ZNF66: variants seen among roughly 807,000 people sequenced by gnomAD.
ZNF66 encodes the protein zinc finger protein 66.
Under a neutral mutation model 35.2 loss-of-function variants are expected in ZNF66, and 32 were observed. That is an observed-to-expected ratio of 0.91 (90% confidence interval 0.69 to 1.22). ZNF66 has a LOEUF of 1.22. Among genes scored for constraint, ZNF66 ranks in the 50% most tolerant of loss-of-function variants. The pLI, the probability that ZNF66 is intolerant of heterozygous loss-of-function variation, is 0.00. For missense variants in ZNF66, 666 were observed against 543.1 expected (o/e 1.23, Z -2.25); for synonymous variants, 231 against 181.3 (o/e 1.27, Z -2.20).
At chr19:20,788,722 T>C (rs991380646) in intron 1 of ZNF66, among the ~76,000 whole-genome samples, 5 of 152,126 alleles carry the variant, frequency 3.3e-5, no homozygotes, top group Middle Eastern at 3.2e-3. Context: ...CTATTTCTTT[T>C]ACCTTGCTAA....
rs778913676 is a variant in ZNF66 at position 20,807,277 on chromosome 19, T to C, written c.1677T>C (p.His559=). 11 of 676,492 alleles carry C rather than the reference T, an allele frequency of 1.6e-5. No individual in the cohort carries two copies. Among genetic ancestry groups the C allele is most frequent in the Non-Finnish European group, 2.7e-5 (10 of 376,374 alleles). The allele number at this position is 676,492 out of a possible 1,614,324, so 41.9% of individuals were successfully genotyped here. A position where few individuals can be genotyped will look rare whatever the true frequency, so the allele number is the denominator to read the frequency against. ...ACCTTAGTAGACATGAGATAATTCA[T>C]ATGGGAGGGAATCCCTACAAATGTG... ...SSNLSRHEII[H]MGGNPYKCEN... is the part of the protein sequence containing the mutation. The change falls in exon 4 of 4, where the codon CAT becomes CAC. Residue 559 remains histidine (H), a synonymous_variant. Coordinates refer to ENST00000344519, the MANE Select transcript of ZNF66 (RefSeq NM_001355197.2).
intron 1 of ZNF66, 23 bp from the exon 2 acceptor site, chr19:20,792,489 A>ATG (rs1235911900): frequency 1.3e-6 from 2 of 1,485,824 alleles, no homozygotes; most frequent in Non-Finnish European, 1.8e-6. Context: ...CTTGGTGAAA[A>ATG]TGTGTGTGTG....
rs1365234837 is a variant in ZNF66, at chr19:20,807,789, G to C, written c.*467G>C. Among the ~76,000 whole-genome samples, 1 of 152,128 alleles carries C rather than the reference G, an allele frequency of 6.6e-6. No homozygotes were observed. Among genetic ancestry groups the C allele is most frequent in the African/African-American group, 2.4e-5 (1 of 41,444 alleles). ...TACAGCTCCCAGCCTGAGCGACGCA[G>C]AAGATGGGTGATTTCTGCATTTCCG... On this transcript the variant is annotated 3_prime_UTR_variant, in exon 4 of 4. Coordinates refer to ENST00000344519, the MANE Select transcript of ZNF66 (RefSeq NM_001355197.2).
chr19:20,793,332 C>CTTTTCT (rs1555782697), intron 2 of ZNF66, among the ~76,000 whole-genome samples: 3 of 84,610 alleles, frequency 3.5e-5, no homozygotes, highest in African/African-American at 9.3e-5. Flanking sequence ...CTTTTCTTTT[C>CTTTTCT]TTTTTTTTTT....
chr19:20,777,997 T>A (rs984460977), intron 1 of ZNF66, among the ~76,000 whole-genome samples: 1 of 152,234 alleles, frequency 6.6e-6, no homozygotes, highest in African/African-American at 2.4e-5. Context: ...TTTTTCTATA[T>A]CCTTTTATTT....
intron 3 of ZNF66, among the ~76,000 whole-genome samples, chr19:20,802,182 G>A (rs1971454142): frequency 6.6e-6 from 1 of 152,048 alleles, no homozygotes; most frequent in African/African-American, 2.4e-5. Flanking sequence ...TTCCATTTTG[G>A]TAGATTGTTG....
At chr19:20,805,560 A>C (rs1971493531) in intron 3 of ZNF66, among the ~76,000 whole-genome samples, 1 of 149,942 alleles carries the variant, frequency 6.7e-6, no homozygotes, top group Admixed American at 6.6e-5. Flanking sequence ...TATAAGTAAC[A>C]GACTTTTTTT....
At position 20,809,530 on chromosome 19, in the gene ZNF66, AT is replaced by A. The variant is rs1322915863; in HGVS notation, c.*2210del. On this transcript the variant is annotated 3_prime_UTR_variant, in exon 4 of 4. Transcript: ENST00000344519. Reference sequence around the variant, plus strand: ...AAGAGAGTGGGGGCCAATATTCAACATTCTTAAAGAAAAGAATTTTCAACCC... The same window carrying A: ...AAGAGAGTGGGGGCCAATATTCAACATCTTAAAGAAAAGAATTTTCAACCC... Among the ~76,000 whole-genome samples the A allele has an allele frequency of 6.6e-6, 1 of 152,146 alleles. No individual in the cohort carries two copies. Among genetic ancestry groups the A allele is most frequent in the Non-Finnish European group, 1.5e-5 (1 of 68,038 alleles).
At chr19:20,802,486 T>G (rs1971456998) in intron 3 of ZNF66, among the ~76,000 whole-genome samples, 1 of 149,600 alleles carries the variant, frequency 6.7e-6, no homozygotes, top group Non-Finnish European at 1.5e-5. Context: ...TCCATATATT[T>G]GTAAATTTAT....
At chr19:20,786,878 C>T (rs995059184) in intron 1 of ZNF66, among the ~76,000 whole-genome samples, 5 of 152,192 alleles carry the variant, frequency 3.3e-5, no homozygotes, top group Non-Finnish European at 2.9e-5. Flanking sequence ...TCTTCTGTCT[C>T]AGCCTCCCCA....
intron 3 of ZNF66, chr19:20,799,078 T>TTTTTTTTTTTTTTTTTTTTTTTTC (rs1460346688): frequency 7.1e-6 from 1 of 139,998 alleles, no homozygotes; most frequent in African/African-American, 2.7e-5. Context: ...TTTTTTTTTT[T>TTTTTTTTTTTTTTTTTTTTTTTTC]TGAGATGGAA....
At chr19:20,777,756 G>A (rs1203277346) in intron 1 of ZNF66, among the ~76,000 whole-genome samples, 4 of 152,020 alleles carry the variant, frequency 2.6e-5, no homozygotes, top group African/African-American at 9.7e-5. Flanking sequence ...CTCTCCAGTA[G>A]TTGGGACTAC....
In ZNF66 at chr19:20,777,452, A is replaced by ATTTTTTT. The variant is rs756548895; in HGVS notation, c.3+1017_3+1023dup. 1.0e-3 allele frequency among the ~76,000 whole-genome samples: 129 copies of ATTTTTTT among 123,126 alleles called. 1 individual carries two copies. Among genetic ancestry groups the ATTTTTTT allele is most frequent in the Non-Finnish European group, 1.6e-3 (95 of 60,884 alleles). The allele number at this position is 123,126 out of a possible 152,430, so 80.8% of individuals were successfully genotyped here. On this transcript the variant is annotated intron_variant, in intron 1 of 3. Coordinates refer to ENST00000344519, the MANE Select transcript of ZNF66 (RefSeq NM_001355197.2). Reference sequence around the variant, plus strand: ...TGCCAAAAAATGCACTTGAGCTTAGATTTTTTTTTTTTTTTTTTTTTAGAA... The same window carrying ATTTTTTT: ...TGCCAAAAAATGCACTTGAGCTTAGATTTTTTTTTTTTTTTTTTTTTTTTTTTTAGAA...
intron 2 of ZNF66, among the ~76,000 whole-genome samples, chr19:20,793,092 A>G (rs540093876): frequency 6.6e-6 from 1 of 151,740 alleles, no homozygotes; most frequent in South Asian, 2.1e-4. Flanking sequence ...AAAAGAAAGA[A>G]AAAAATTTCT....
At chr19:20,801,107 C>T (rs893825245) in intron 3 of ZNF66, among the ~76,000 whole-genome samples, 4 of 152,004 alleles carry the variant, frequency 2.6e-5, no homozygotes, top group Admixed American at 1.3e-4. Flanking sequence ...GTCCCATGGT[C>T]GTACTTGACT....
At chr19:20,784,951 C>T (rs1320401029) in intron 1 of ZNF66, 1 of 153,028 alleles carries the variant, frequency 6.5e-6, no homozygotes, top group Non-Finnish European at 1.5e-5. Flanking sequence ...ACTAGTATCC[C>T]GTGGTGTCTG....
rs770465339 is a variant in ZNF66, at chr19:20,806,850, G to T, written c.1250G>T (p.Arg417Ile). Residue 417 changes from arginine to isoleucine, a missense_variant, in exon 4 of 4, where the codon AGA (arginine) becomes ATA (isoleucine). By Grantham distance (97) the Arg-to-Ile change is moderately conservative. Coordinates refer to ENST00000344519, the MANE Select transcript of ZNF66 (RefSeq NM_001355197.2). ...KHSSPLSKHK[R>I]IHTGEKPYKC... is the part of the protein sequence containing the mutation. The stretch of plus-strand genomic sequence containing the variant: ...TCCTCTCCCCTTTCTAAACATAAGA[G>T]AATTCATACTGGAGAGAAACCCTAC... 1.5e-5 allele frequency: 20 copies of T among 1,348,344 alleles called. No homozygotes were observed. Among genetic ancestry groups the T allele is most frequent in the Non-Finnish European group, 2.0e-5 (19 of 942,316 alleles). The allele number at this position is 1,348,344 out of a possible 1,614,324, so 83.5% of individuals were successfully genotyped here.
At chr19:20,805,126 T>TGAGAGAGAGAGA (rs60295293) in intron 3 of ZNF66, among the ~76,000 whole-genome samples, 41 of 146,080 alleles carry the variant, frequency 2.8e-4, no homozygotes, top group Admixed American at 9.6e-4. Flanking sequence ...TGTGTGTGTG[T>TGAGAGAGAGAGA]GAGAGAGAGA....
intron 3 of ZNF66, chr19:20,794,213 T>C (rs2144904846): frequency 1.1e-5 from 3 of 279,612 alleles, no homozygotes; most frequent in Middle Eastern, 1.1e-3. Flanking sequence ...ACAAATATCT[T>C]CCTAATTTTG....
Sources: gnomAD v4.1 joint callset for allele counts (sites outside exome capture counted in the v4.1 genomes callset) on GRCh38, gnomAD v4.1.1 for gene constraint, MANE v1.5 for transcripts, NCBI Gene and HGNC (gene_info 2026-07-23, HGNC 2026-07-21) for gene names.